The following ELOC variants were observed in gnomAD, a reference collection of about 807,000 sequenced individuals.
ELOC encodes the protein elongin-C.
For missense variants in ELOC, 38 were observed against 139.0 expected, an observed-to-expected ratio of 0.27 and a Z score of 3.65; for synonymous variants, 40 against 51.3, an observed-to-expected ratio of 0.78 and a Z score of 0.94.
intron 1 of ELOC, among the ~76,000 whole-genome samples, chr8:73,962,857 T>C (rs1345717729): frequency 6.6e-6 from 1 of 152,136 alleles, no homozygotes; most frequent in African/African-American, 2.4e-5. Flanking sequence ...AAATCAACAT[T>C]AAGAGTTAAA....
intron 3 of ELOC, among the ~76,000 whole-genome samples, chr8:73,948,927 T>C (rs1189577460): frequency 6.6e-6 from 1 of 152,224 alleles, no homozygotes; most frequent in Non-Finnish European, 1.5e-5. Flanking sequence ...CTCCTTTAGT[T>C]TTTTTAAAAA....
At chr8:73,971,032 C>CAAA (rs67188912) in intron 1 of ELOC, among the ~76,000 whole-genome samples, 9 of 62,008 alleles carry the variant, frequency 1.5e-4, no homozygotes, top group South Asian at 6.4e-4. Flanking sequence ...GACTCCGTCT[C>CAAA]AAAAAAAAAA....
rs374931655 is a variant in ELOC, at chr8:73,946,804, G to A, written c.165C>T (p.Asn55=). The A allele has an allele frequency of 6.8e-6, 11 of 1,610,328 alleles. No individual in the cohort carries two copies. The highest frequency in any genetic ancestry group is 3.4e-5 in the Admixed American group (2 of 59,338). The change falls in exon 4 of 4, where the codon AAC becomes AAT. Residue 55 remains asparagine, a synonymous_variant. Transcript: ENST00000520242. ...CTCTAAAATTGACCTCATTGGTTTC[G>A]TTCTCAGCAAACTGACCTGTAAAAC... ...MLSGPGQFAE[N]ETNEVNFREI...
chr8:73,947,860 C>T (rs1268391003), intron 3 of ELOC, among the ~76,000 whole-genome samples: 3 of 152,140 alleles, frequency 2.0e-5, no homozygotes, highest in Non-Finnish European at 4.4e-5. Context: ...CAGGCTTGGC[C>T]ACTTGCACCT....
At chr8:73,959,941 C>A in intron 1 of ELOC, 123 bp from the exon 2 acceptor site, 1 of 439,588 alleles carries the variant, frequency 2.3e-6, no homozygotes, top group South Asian at 6.9e-5. Flanking sequence ...ATTACGAGCT[C>A]ACCATTCCTA....
At chr8:73,964,093 CAAA>C (rs61094442) in intron 1 of ELOC, among the ~76,000 whole-genome samples, 4 of 80,330 alleles carry the variant, frequency 5.0e-5, no homozygotes, top group South Asian at 5.0e-4. Context: ...AATTCCGTCT[CAAA>C]AAAAAAAAAA....
At chr8:73,963,217 TAC>T (rs1469054570) in intron 1 of ELOC, among the ~76,000 whole-genome samples, 1 of 152,234 alleles carries the variant, frequency 6.6e-6, no homozygotes, top group Non-Finnish European at 1.5e-5. Flanking sequence ...GCCTAGGGCC[TAC>T]ACTGAAATTA....
At chr8:73,962,871 C>A (rs1814700297) in intron 1 of ELOC, among the ~76,000 whole-genome samples, 1 of 152,150 alleles carries the variant, frequency 6.6e-6, no homozygotes, top group Non-Finnish European at 1.5e-5. Flanking sequence ...AGTTAAAATT[C>A]CTAATTCTTA....
At chr8:73,961,283 G>A (rs556946882) in intron 1 of ELOC, among the ~76,000 whole-genome samples, 13 of 152,250 alleles carry the variant, frequency 8.5e-5, no homozygotes, top group African/African-American at 2.9e-4. Context: ...AGAAATTCCT[G>A]ACAAATTTTA....
chr8:73,953,382 TA>T (rs199858431), intron 3 of ELOC, among the ~76,000 whole-genome samples: 1 of 150,210 alleles, frequency 6.7e-6, no homozygotes. Context: ...ATAGCAGTGA[TA>T]AAAAAAAGAG....
chr8:73,971,179 G>A (rs573936288), intron 1 of ELOC, among the ~76,000 whole-genome samples: 15 of 152,286 alleles, frequency 9.8e-5, no homozygotes, highest in East Asian at 3.9e-4. Context: ...GCCGACGGGG[G>A]CGGATCACTT....
At chr8:73,967,269 T>A (rs1274146206) in intron 1 of ELOC, among the ~76,000 whole-genome samples, 3 of 151,938 alleles carry the variant, frequency 2.0e-5, no homozygotes, top group African/African-American at 7.3e-5. Context: ...ATTTTTAGTG[T>A]GGGGGTTGAC....
chr8:73,965,644 A>T (rs1004989659), intron 1 of ELOC, among the ~76,000 whole-genome samples: 1 of 152,234 alleles, frequency 6.6e-6, no homozygotes, highest in African/African-American at 2.4e-5. Flanking sequence ...GTCTTGCTAT[A>T]TATTTGTCAA....
At chr8:73,961,180 T>C (rs1318814184) in intron 1 of ELOC, among the ~76,000 whole-genome samples, 2 of 152,222 alleles carry the variant, frequency 1.3e-5, no homozygotes, top group East Asian at 3.8e-4. Flanking sequence ...TTTAGTAACA[T>C]ACTACAGCAT....
At chr8:73,953,297 C>G (rs905857816) in intron 3 of ELOC, among the ~76,000 whole-genome samples, 4 of 150,366 alleles carry the variant, frequency 2.7e-5, no homozygotes, top group African/African-American at 9.8e-5. Flanking sequence ...CAGAGTGAGA[C>G]TATCTCAAAA....
At chr8:73,952,624 CAAAA>C (rs1563673737) in intron 3 of ELOC, among the ~76,000 whole-genome samples, 1 of 150,728 alleles carries the variant, frequency 6.6e-6, no homozygotes, top group Non-Finnish European at 1.5e-5. Flanking sequence ...ACTAAAAATA[CAAAA>C]AAATTAGCTG....
chr8:73,963,830 C>T (rs939424426), intron 1 of ELOC, among the ~76,000 whole-genome samples: 14 of 152,148 alleles, frequency 9.2e-5, no homozygotes, highest in Non-Finnish European at 1.3e-4. Flanking sequence ...TGATGGCTCA[C>T]GCCTATAATC....
intron 1 of ELOC, among the ~76,000 whole-genome samples, chr8:73,968,669 C>T (rs1025358968): frequency 2.0e-5 from 3 of 152,146 alleles, no homozygotes; most frequent in Admixed American, 6.6e-5. Flanking sequence ...AAAAACTGTC[C>T]TTCCTACTAA....
chr8:73,950,254 A>G (rs574505848), intron 3 of ELOC, among the ~76,000 whole-genome samples: 9 of 152,338 alleles, frequency 5.9e-5, no homozygotes, highest in South Asian at 2.1e-4. Context: ...ATAAAAATGA[A>G]GCAAATGGAA....
Sources: allele counts gnomAD v4.1 joint callset (sites outside exome capture counted in the v4.1 genomes callset), GRCh38; gene constraint gnomAD v4.1.1; transcripts MANE v1.5; gene names NCBI Gene and HGNC (gene_info 2026-07-23, HGNC 2026-07-21).